The following RNF122 variants were observed in gnomAD, a reference collection of about 807,000 sequenced individuals.
RNF122 encodes ring finger protein 122.
A neutral mutation model predicts 24.2 loss-of-function variants in RNF122; 17 were observed. The ratio of observed to expected loss-of-function variants is 0.70; its 90% CI spans 0.48 to 1.06. The LOEUF is 1.06. Among genes scored for constraint, RNF122 ranks in the 50% least tolerant of loss-of-function variants. The pLI, the probability that RNF122 is intolerant of heterozygous loss-of-function variation, is 0.00. For missense variants in RNF122, 168 were observed against 198.1 expected, an observed-to-expected ratio of 0.85 and a Z score of 0.91; for synonymous variants, 65 against 71.8, an observed-to-expected ratio of 0.91 and a Z score of 0.48.
intron 2 of RNF122, among the ~76,000 whole-genome samples, chr8:33,556,636 G>A (rs558517128): frequency 6.6e-6 from 1 of 152,190 alleles, no homozygotes; most frequent in Non-Finnish European, 1.5e-5. Context: ...GGGCAGGTTG[G>A]TGGTCAGGAA....
chr8:33,551,445 A>G (rs1467956250), intron 2 of RNF122, 56 bp from the exon 3 acceptor site: 8 of 1,591,310 alleles, frequency 5.0e-6, no homozygotes, highest in Non-Finnish European at 6.9e-6. Flanking sequence ...AATTCAAAGC[A>G]GGAGAGGCTG....
At chr8:33,561,544 T>C (rs1310349876) in intron 1 of RNF122, among the ~76,000 whole-genome samples, 2 of 151,980 alleles carry the variant, frequency 1.3e-5, no homozygotes, top group Non-Finnish European at 2.9e-5. Context: ...GTTGCCTTTT[T>C]TTTTTTAATT....
Position 33,551,053 on chromosome 8 carries a change from T to C in RNF122, c.261A>G (p.Gln87=), listed in dbSNP as rs1242608260. The C allele has an allele frequency of 6.2e-7, 1 of 1,614,096 alleles. No homozygotes were observed. Among genetic ancestry groups the C allele is most frequent in the South Asian group, 1.1e-5 (1 of 91,078 alleles). The change falls in exon 4 of 6, where the codon CAA becomes CAG. Residue 87 remains glutamine (Q), a synonymous_variant. Coordinates refer to ENST00000256257, the MANE Select transcript of RNF122 (RefSeq NM_024787.3). ...TTCCTGGCACACTTACCCCATATAA[T>C]TGTAACTTCTTGGCATCACCTTTAA... The part of the protein sequence containing the change: ...VVLKGDAKKL[Q]LYGQTCAVCL...
chr8:33,553,582 T>C (rs576244553), intron 2 of RNF122, among the ~76,000 whole-genome samples: 1 of 152,208 alleles, frequency 6.6e-6, no homozygotes, highest in Non-Finnish European at 1.5e-5. Context: ...AAAATTTTTT[T>C]TAAATAAATA....
Position 33,548,676 on chromosome 8 carries a change from T to G in RNF122, c.*77A>C. The G allele has an allele frequency of 1.1e-6, 1 of 886,532 alleles. No homozygotes were observed. Among genetic ancestry groups the G allele is most frequent in the Non-Finnish European group, 1.9e-6 (1 of 525,046 alleles). 54.9% of individuals were successfully genotyped at this position (886,532 alleles called of 1,614,324 possible). ...TGATCGTCATCACCCTACAGTCCTG[T>G]TGGTTGGAGCTGTGCAGAGGGACCA... On this transcript the variant is annotated 3_prime_UTR_variant, in exon 6 of 6. Transcript: ENST00000256257.
Position 33,555,501 on chromosome 8 carries a change from C to T in RNF122, c.182+3114G>A, listed in dbSNP as rs184682211. Among the ~76,000 whole-genome samples the T allele has an allele frequency of 3.0e-3, 461 of 152,346 alleles. 2 individuals carry two copies. Among genetic ancestry groups the T allele is most frequent in the African/African-American group, 0.01 (432 of 41,584 alleles). On this transcript the variant is annotated intron_variant, in intron 2 of 5. Transcript: ENST00000256257. ...TACAGGCGTGAGCCACCACGCCCAG[C>T]CCTGTTCTGTTCTTTGACCACAGCC...
At chr8:33,549,812 T>A (rs1243604576) in intron 4 of RNF122, among the ~76,000 whole-genome samples, 5 of 152,228 alleles carry the variant, frequency 3.3e-5, no homozygotes, top group African/African-American at 1.2e-4. Context: ...AAGTTTCCAC[T>A]GCACTGGAAA....
rs1319221619 is a variant in RNF122, at chr8:33,551,045, C to G, written c.269G>C (p.Gly90Ala). The change falls in exon 4 of 6, where the codon GGG (glycine) becomes GCG (alanine). Residue 90 changes from glycine (G) to alanine (A), a missense_variant and splice_region_variant. Coordinates refer to ENST00000256257, the MANE Select transcript of RNF122 (RefSeq NM_024787.3). ...KGDAKKLQLY[G>A]QTCAVCLEDF... ...TGCACACTTTCCTGGCACACTTACC[C>G]CATATAATTGTAACTTCTTGGCATC... is the stretch of plus-strand genomic sequence containing the variant. The G allele has an allele frequency of 6.2e-7, 1 of 1,613,942 alleles. No homozygotes were observed. Among genetic ancestry groups the G allele is most frequent in the African/African-American group, 1.3e-5 (1 of 74,896 alleles).
rs1191341937 is a variant in RNF122 at position 33,551,386 on chromosome 8, T to A, written c.186A>T (p.Lys62Asn). 6.2e-7 allele frequency: 1 copy of A among 1,614,070 alleles called. No individual in the cohort carries two copies. Residue 62 changes from lysine (K) to asparagine (N), a missense_variant, in exon 3 of 6, where the codon AAA becomes AAT. Lys to Asn is a moderately conservative substitution (Grantham distance 94). Transcript: ENST00000256257. ...GCTCACTCTGTGCCTGGTTCCGCAGTTTGCTGGGAGAAAGAGAAAAAAATT... is the reference window on the plus strand; with the variant it reads ...GCTCACTCTGTGCCTGGTTCCGCAGATTGCTGGGAGAAAGAGAAAAAAATT... ...SLIFCCYFIS[K>N]LRNQAQSERY...
rs1416725836 is a variant in RNF122, at chr8:33,548,631, C to G, written c.*122G>C. On this transcript the variant is annotated 3_prime_UTR_variant, in exon 6 of 6. Coordinates refer to ENST00000256257, the MANE Select transcript of RNF122 (RefSeq NM_024787.3). ...GGGTAGAAGCCCAGTCCTAGACCACCCTTCTCATCACTGGGAAAGTGATCG... is the reference window on the plus strand; with the variant it reads ...GGGTAGAAGCCCAGTCCTAGACCACGCTTCTCATCACTGGGAAAGTGATCG... 1 of 696,684 alleles carries G rather than the reference C, an allele frequency of 1.4e-6. No individual in the cohort carries two copies. The highest frequency in any genetic ancestry group is 2.6e-6 in the Non-Finnish European group (1 of 386,078). The allele number at this position is 696,684 out of a possible 1,614,324, so 43.2% of individuals were successfully genotyped here. A position where few individuals can be genotyped will look rare whatever the true frequency, so the allele number is the denominator to read the frequency against.
rs905044684 is a variant in RNF122 at position 33,548,459 on chromosome 8, T to G, written c.*294A>C. On this transcript the variant is annotated 3_prime_UTR_variant, in exon 6 of 6. Coordinates refer to ENST00000256257, the MANE Select transcript of RNF122 (RefSeq NM_024787.3). The stretch of plus-strand genomic sequence containing the variant: ...CATGTTCTTGATCGGGGTGGACACC[T>G]TCCCCCAGAACAGGGACAAGGCAGG... 3.6e-6 allele frequency: 1 copy of G among 279,974 alleles called. No homozygotes were observed. The highest frequency in any genetic ancestry group is 4.7e-5 in the Admixed American group (1 of 21,116). 17.3% of individuals were successfully genotyped at this position (279,974 alleles called of 1,614,324 possible). A position where few individuals can be genotyped will look rare whatever the true frequency, so the allele number is the denominator to read the frequency against.
chr8:33,547,878 A>G lies in RNF122; in HGVS notation c.*875T>C, dbSNP rs1258614705. On this transcript the variant is annotated 3_prime_UTR_variant, in exon 6 of 6. Transcript: ENST00000256257. The stretch of plus-strand genomic sequence containing the variant: ...TTCCATTCTGGAGATTTCGTATCTA[A>G]AGCCTGAGAGGCGAGGATGAAGTAT... 2 of 151,750 alleles carry G rather than the reference A, an allele frequency of 1.3e-5. No homozygotes were observed. The highest frequency in any genetic ancestry group is 4.8e-5 in the African/African-American group (2 of 41,270). 9.4% of individuals were successfully genotyped at this position (151,750 alleles called of 1,614,324 possible). A position where few individuals can be genotyped will look rare whatever the true frequency, so the allele number is the denominator to read the frequency against.
chr8:33,549,000 C>G (rs556859406), intron 5 of RNF122, 133 bp from the exon 6 acceptor site: 2 of 687,438 alleles, frequency 2.9e-6, no homozygotes, highest in Admixed American at 4.2e-5. Context: ...GCAGGTGGAT[C>G]ACCTGAGGTC....
At chr8:33,565,540 C>G (rs1810609572) in intron 1 of RNF122, among the ~76,000 whole-genome samples, 1 of 152,132 alleles carries the variant, frequency 6.6e-6, no homozygotes, top group African/African-American at 2.4e-5. Context: ...CGATTAGTAT[C>G]CAAGGTTTTG....
intron 3 of RNF122, 106 bp from the exon 4 acceptor site, chr8:33,551,191 C>T (rs1363664092): frequency 1.6e-5 from 24 of 1,485,688 alleles, no homozygotes; most frequent in East Asian, 2.3e-5. Context: ...TGGGGCAAGC[C>T]GGACTTCAGA....
intron 1 of RNF122, among the ~76,000 whole-genome samples, chr8:33,560,075 C>G (rs1810518056): frequency 6.6e-6 from 1 of 152,106 alleles, no homozygotes. Context: ...CTCTTGACCT[C>G]AGGCGATCCA....
At chr8:33,549,358 G>T in intron 5 of RNF122, 52 bp downstream of exon 5, 1 of 1,420,170 alleles carries the variant, frequency 7.0e-7, no homozygotes, top group Non-Finnish European at 1.0e-6. Context: ...TCCAGAAGAT[G>T]CTCCCTGATT....
At chr8:33,566,247 C>T (rs1220249356) in intron 1 of RNF122, among the ~76,000 whole-genome samples, 1 of 152,224 alleles carries the variant, frequency 6.6e-6, no homozygotes, top group Non-Finnish European at 1.5e-5. Flanking sequence ...ACCCCCGCGC[C>T]CAGTCCCGCA....
intron 4 of RNF122, 92 bp from the exon 5 acceptor site, chr8:33,549,584 G>A: frequency 1.1e-6 from 1 of 911,926 alleles, no homozygotes; most frequent in Non-Finnish European, 1.8e-6. Context: ...AGCCTAGTCT[G>A]TTCTACCAGG....
Sources: allele counts gnomAD v4.1 joint callset (sites outside exome capture counted in the v4.1 genomes callset), GRCh38; gene constraint gnomAD v4.1.1; transcripts MANE v1.5; gene names NCBI Gene and HGNC (gene_info 2026-07-23, HGNC 2026-07-21).